The following PPFIA2 variants were observed in gnomAD, a reference collection of about 807,000 sequenced individuals.
PPFIA2 encodes the protein liprin-alpha-2.
PPFIA2 carries 46 observed loss-of-function variants against 175.5 expected under a neutral mutation model. The observed-to-expected ratio is 0.26, with a 90% CI of 0.21 to 0.34. PPFIA2 has a LOEUF of 0.34. Among genes scored for constraint, PPFIA2 ranks in the 10% least tolerant of loss-of-function variants. The probability of loss-of-function intolerance (pLI) is 1.00; values close to 1 mark genes in which losing one functional copy is unlikely to be tolerated. For synonymous variants in PPFIA2, 568 were observed against 511.4 expected, an observed-to-expected ratio of 1.11 and a Z score of -1.49; for missense variants, 1,179 against 1,506.1, an observed-to-expected ratio of 0.78 and a Z score of 3.60.
chr12:81,461,786 C>T (rs1258794616), intron 4 of PPFIA2, among the ~76,000 whole-genome samples: 4 of 151,988 alleles, frequency 2.6e-5, no homozygotes, highest in Admixed American at 1.3e-4. Context: ...AAACTACCTA[C>T]TGTGCCTCAA....
intron 8 of PPFIA2, among the ~76,000 whole-genome samples, chr12:81,397,000 A>G (rs1460485462): frequency 1.3e-5 from 2 of 152,050 alleles, no homozygotes; most frequent in African/African-American, 4.8e-5. Flanking sequence ...CAAAGTTTTC[A>G]TCATGTAAAC....
intron 4 of PPFIA2, among the ~76,000 whole-genome samples, chr12:81,498,616 T>C (rs1053980198): frequency 6.6e-5 from 10 of 152,120 alleles, no homozygotes; most frequent in Admixed American, 1.3e-4. Context: ...TTAATTTATT[T>C]ATTCATTATT....
intron 4 of PPFIA2, among the ~76,000 whole-genome samples, chr12:81,560,355 T>C (rs911725805): frequency 2.0e-5 from 3 of 152,072 alleles, no homozygotes; most frequent in Non-Finnish European, 2.9e-5. Context: ...GCTTTAGATG[T>C]AGAACTATAT....
At chr12:81,675,617 A>G (rs569692935) in intron 4 of PPFIA2, 83 of 152,136 alleles carry the variant, frequency 5.5e-4, no homozygotes, top group African/African-American at 1.9e-3. Flanking sequence ...TAGTAGATCT[A>G]CTTTTCTGAT....
chr12:81,432,997 C>T (rs1033132751), intron 7 of PPFIA2, among the ~76,000 whole-genome samples: 1 of 150,552 alleles, frequency 6.6e-6, no homozygotes, highest in African/African-American at 2.5e-5. Flanking sequence ...AAAAACATAC[C>T]TTTAATGGTT....
intron 4 of PPFIA2, among the ~76,000 whole-genome samples, chr12:81,470,774 G>C (rs115460076): frequency 0.014 from 2,120 of 152,114 alleles, 49 homozygotes; most frequent in African/African-American, 0.048. Flanking sequence ...CATGATATCT[G>C]ACCTCTTAAC....
At chr12:81,537,096 A>G (rs2065511609) in intron 4 of PPFIA2, among the ~76,000 whole-genome samples, 1 of 151,714 alleles carries the variant, frequency 6.6e-6, no homozygotes. Context: ...ATGAAAAATA[A>G]GCATCTTCCA....
chr12:81,630,176 G>T (rs548603378), intron 4 of PPFIA2, among the ~76,000 whole-genome samples: 7 of 152,144 alleles, frequency 4.6e-5, no homozygotes, highest in Non-Finnish European at 1.0e-4. Context: ...TATGATTTTA[G>T]CCCAGTAAGA....
intron 32 of PPFIA2, 73 bp downstream of exon 32, chr12:81,261,876 G>A: frequency 1.0e-6 from 1 of 982,546 alleles, no homozygotes; most frequent in Non-Finnish European, 1.5e-6. Context: ...AGAGTATAGT[G>A]TATATTTATT....
chr12:81,308,766 A>G (rs2049986565), intron 22 of PPFIA2, among the ~76,000 whole-genome samples: 1 of 152,146 alleles, frequency 6.6e-6, no homozygotes, highest in Admixed American at 6.5e-5. Flanking sequence ...TTTTCTTGTT[A>G]TTCCCTAGTA....
chr12:81,637,236 ATTTTTTTTTTTTTTTTTTTTTTTTTTTTT>A (rs71098156), intron 4 of PPFIA2, among the ~76,000 whole-genome samples: 5 of 65,908 alleles, frequency 7.6e-5, no homozygotes, highest in East Asian at 1.1e-3. Flanking sequence ...CGCCAGGCTA[ATTTTTTTTTTTTTTTTTTTTTTTTTTTTT>A]TTTTTTTTTT....
At chr12:81,356,318 C>A in intron 16 of PPFIA2, among the ~76,000 whole-genome samples, 1 of 152,080 alleles carries the variant, frequency 6.6e-6, no homozygotes, top group East Asian at 1.9e-4. Context: ...TCAAAGATCA[C>A]TGTTCACAGA....
chr12:81,573,386 T>C lies in PPFIA2; in HGVS notation c.303+103405A>G, dbSNP rs555595966. On this transcript the variant is annotated intron_variant, in intron 4 of 32. Coordinates refer to ENST00000549396, the MANE Select transcript of PPFIA2 (RefSeq NM_003625.5). ...CTTGCTAACAACAACACAAAAGTGG[T>C]TTATACTTAGAGCTTAGATCGCCAT... 5.9e-5 allele frequency among the ~76,000 whole-genome samples: 9 copies of C among 151,976 alleles called. No homozygotes were observed. In the South Asian group the frequency reaches 1.9e-3, roughly 31 times the overall value.
At chr12:81,446,224 G>T (rs775639496) in intron 5 of PPFIA2, among the ~76,000 whole-genome samples, 39 of 152,166 alleles carry the variant, frequency 2.6e-4, no homozygotes, top group Non-Finnish European at 4.4e-4. Context: ...ATTAATTATA[G>T]AAAAATATAT....
chr12:81,667,542 T>C (rs1038171607), intron 4 of PPFIA2, among the ~76,000 whole-genome samples: 1 of 152,122 alleles, frequency 6.6e-6, no homozygotes, highest in Non-Finnish European at 1.5e-5. Flanking sequence ...CTTTTTAACA[T>C]GTAAATGAAG....
At chr12:81,530,976 TAA>T (rs904934088) in intron 4 of PPFIA2, among the ~76,000 whole-genome samples, 3 of 151,916 alleles carry the variant, frequency 2.0e-5, no homozygotes, top group African/African-American at 7.2e-5. Flanking sequence ...TTCAATATAT[TAA>T]GTTATCTGAT....
At chr12:81,580,042 C>A (rs1380027336) in intron 4 of PPFIA2, among the ~76,000 whole-genome samples, 4 of 151,800 alleles carry the variant, frequency 2.6e-5, no homozygotes, top group Admixed American at 6.6e-5. Flanking sequence ...AAATCTGAAA[C>A]TCACAGGCAA....
chr12:81,547,272 A>G (rs952725299), intron 4 of PPFIA2, among the ~76,000 whole-genome samples: 2 of 152,248 alleles, frequency 1.3e-5, no homozygotes, highest in Non-Finnish European at 2.9e-5. Flanking sequence ...TATTGAATTC[A>G]GATAACAAAA....
chr12:81,310,614 T>C (rs2050526158), intron 22 of PPFIA2, among the ~76,000 whole-genome samples: 1 of 152,172 alleles, frequency 6.6e-6, no homozygotes, highest in African/African-American at 2.4e-5. Context: ...ACAATTTATA[T>C]GATGACATGA....
Sources: allele counts gnomAD v4.1 joint callset (sites outside exome capture counted in the v4.1 genomes callset), GRCh38; gene constraint gnomAD v4.1.1; transcripts MANE v1.5; gene names NCBI Gene and HGNC (gene_info 2026-07-23, HGNC 2026-07-21).